The following PHF20 variants were observed in gnomAD, a reference collection of about 807,000 sequenced individuals.
PHF20 encodes glioma-expressed antigen 2.
PHF20 carries 23 observed loss-of-function variants against 113.5 expected under a neutral mutation model. The observed-to-expected ratio is 0.20, with a 90% CI of 0.15 to 0.29. The LOEUF is 0.29. Ranked by LOEUF, PHF20 falls within the 10% of genes least tolerant of loss-of-function variation. PHF20 has a pLI of 1.00. For synonymous variants in PHF20, 434 were observed against 457.3 expected, an observed-to-expected ratio of 0.95 and a Z score of 0.65; for missense variants, 943 against 1,219.6, an observed-to-expected ratio of 0.77 and a Z score of 3.38.
intron 15 of PHF20, among the ~76,000 whole-genome samples, chr20:35,937,455 C>T (rs541062104): frequency 5.0e-4 from 74 of 146,934 alleles, no homozygotes; most frequent in Middle Eastern, 3.4e-3. Context: ...GCAACAAGAG[C>T]GAAACTCCGT....
At chr20:35,919,097 C>T (rs1489607375) in intron 13 of PHF20, among the ~76,000 whole-genome samples, 1 of 151,888 alleles carries the variant, frequency 6.6e-6, no homozygotes, top group East Asian at 1.9e-4. Flanking sequence ...CTCACCACCA[C>T]CCTCTGCCTC....
At chr20:35,836,050 C>A (rs2042434268) in intron 2 of PHF20, among the ~76,000 whole-genome samples, 1 of 152,186 alleles carries the variant, frequency 6.6e-6, no homozygotes. Context: ...CACTCTGTCC[C>A]CAGAGTAGAG....
chr20:35,929,774 C>A (rs557731008), intron 14 of PHF20, among the ~76,000 whole-genome samples: 1 of 152,344 alleles, frequency 6.6e-6, no homozygotes, highest in East Asian at 1.9e-4. Flanking sequence ...GAACTGAGCA[C>A]AGCATGTCTG....
At chr20:35,923,788 G>A (rs1397399030) in intron 13 of PHF20, among the ~76,000 whole-genome samples, 1 of 151,936 alleles carries the variant, frequency 6.6e-6, no homozygotes, top group Non-Finnish European at 1.5e-5. Flanking sequence ...ATCTTGCTTT[G>A]TCACCCAGGA....
chr20:35,915,705 T>C (rs4911521), intron 12 of PHF20, among the ~76,000 whole-genome samples: 6 of 152,168 alleles, frequency 3.9e-5, no homozygotes, highest in Admixed American at 3.9e-4. Context: ...CTTAAAACTT[T>C]CTTTGAAATA....
chr20:35,780,192 A>C (rs1323970915), intron 1 of PHF20, among the ~76,000 whole-genome samples: 2 of 147,368 alleles, frequency 1.4e-5, no homozygotes, highest in Non-Finnish European at 3.0e-5. Context: ...ACCAGCACTG[A>C]GGCACTTTGC....
chr20:35,824,346 C>T (rs535531474), intron 2 of PHF20, among the ~76,000 whole-genome samples: 32 of 151,814 alleles, frequency 2.1e-4, no homozygotes, highest in South Asian at 1.2e-3. Flanking sequence ...TGGTGGCTCA[C>T]GCCTGTAATC....
chr20:35,938,854 A>T lies in PHF20; in HGVS notation c.2458A>T (p.Arg820Trp). 1 of 1,614,214 alleles carries T rather than the reference A, an allele frequency of 6.2e-7. No homozygotes were observed. The change falls in exon 16 of 18, where the codon AGG becomes TGG. Residue 820 changes from arginine (R) to tryptophan (W), a missense_variant. Physicochemically the swap from Arg to Trp is moderately radical, Grantham distance 101 (BLOSUM62 -3). Around this residue, in one of 3 missense-constraint regions of PHF20, gnomAD observed 349 missense variants for 412.3 expected, o/e 0.85. Transcript: ENST00000374012. ...TTTGAACGGGGCAGTGGAGAAGCCC[A>T]GGCCCCTGGCCCTGCCCCTGCCGCG... is the stretch of plus-strand genomic sequence containing the variant. ...RTLNGAVEKP[R>W]PLALPLPRSV...
chr20:35,774,146 G>A (rs1055498925), intron 1 of PHF20, among the ~76,000 whole-genome samples: 2 of 151,050 alleles, frequency 1.3e-5, no homozygotes, highest in South Asian at 2.1e-4. Flanking sequence ...GCAGTGGCGC[G>A]ATCTCGGCTC....
At chr20:35,839,888 A>G (rs1212519571) in intron 2 of PHF20, among the ~76,000 whole-genome samples, 1 of 152,206 alleles carries the variant, frequency 6.6e-6, no homozygotes, top group Non-Finnish European at 1.5e-5. Flanking sequence ...AACTGACAGA[A>G]TACATGACCT....
intron 12 of PHF20, among the ~76,000 whole-genome samples, chr20:35,915,412 A>T (rs572550946): frequency 5.3e-5 from 8 of 151,968 alleles, no homozygotes; most frequent in African/African-American, 1.9e-4. Flanking sequence ...TTTGAGACAG[A>T]GTCTCACTCT....
intron 2 of PHF20, among the ~76,000 whole-genome samples, chr20:35,818,928 T>A (rs1568607298): frequency 6.6e-6 from 1 of 151,464 alleles, no homozygotes; most frequent in Non-Finnish European, 1.5e-5. Context: ...CTTCCCTGTT[T>A]TTGTTTTGTT....
At chr20:35,845,554 G>A (rs1315662206) in intron 3 of PHF20, 1 of 162,654 alleles carries the variant, frequency 6.1e-6, no homozygotes, top group Admixed American at 6.2e-5. Flanking sequence ...TTTTTGTAGA[G>A]ACAAGGTCTT....
At chr20:35,785,426 T>A (rs967459662) in intron 1 of PHF20, among the ~76,000 whole-genome samples, 3 of 152,008 alleles carry the variant, frequency 2.0e-5, no homozygotes, top group African/African-American at 7.2e-5. Context: ...TTCAAGCGAT[T>A]CTCCTGCCTT....
rs369466072 is a variant in PHF20, at chr20:35,890,944, C to A, written c.1283-8426C>A. Among the ~76,000 whole-genome samples, 85 of 152,288 alleles carry A rather than the reference C, an allele frequency of 5.6e-4. No homozygotes were observed. In the South Asian group the frequency reaches 0.013, roughly 24 times the overall value. Reference sequence around the variant, plus strand: ...AAACAAAACTGGGTTTTGTCTTTAACTGCCTCATGGAAACATATAGGAGAG... The same window carrying A: ...AAACAAAACTGGGTTTTGTCTTTAAATGCCTCATGGAAACATATAGGAGAG... On this transcript the variant is annotated intron_variant, in intron 9 of 17. Coordinates refer to ENST00000374012, the MANE Select transcript of PHF20 (RefSeq NM_016436.5).
intron 1 of PHF20, among the ~76,000 whole-genome samples, chr20:35,786,384 C>T (rs182412761): frequency 9.3e-5 from 14 of 150,322 alleles, no homozygotes; most frequent in Admixed American, 2.0e-4. Flanking sequence ...AGCGCGACTC[C>T]GTCTCAATAA....
At chr20:35,910,127 C>T (rs937303051) in intron 10 of PHF20, among the ~76,000 whole-genome samples, 1 of 152,138 alleles carries the variant, frequency 6.6e-6, no homozygotes, top group Non-Finnish European at 1.5e-5. Context: ...ATCCTGATAT[C>T]CTTGAAAACA....
chr20:35,821,968 G>A (rs2042176230), intron 2 of PHF20, among the ~76,000 whole-genome samples: 1 of 152,172 alleles, frequency 6.6e-6, no homozygotes, highest in African/African-American at 2.4e-5. Flanking sequence ...GTAGAACTAG[G>A]TTCTAGGGAG....
intron 9 of PHF20, among the ~76,000 whole-genome samples, chr20:35,884,071 A>G (rs2054681789): frequency 6.6e-6 from 1 of 152,154 alleles, no homozygotes; most frequent in Admixed American, 6.6e-5. Context: ...CTTTGGAAAC[A>G]TAGGTTTAGT....
Sources: allele counts gnomAD v4.1 joint callset (sites outside exome capture counted in the v4.1 genomes callset), GRCh38; gene constraint gnomAD v4.1.1; regional missense constraint gnomAD v4.1.1; transcripts MANE v1.5; gene names NCBI Gene and HGNC (gene_info 2026-07-23, HGNC 2026-07-21).